Variants in RCAN1 observed in about 807,000 individuals in gnomAD.
The protein encoded by RCAN1 is calcipressin-1.
Under a neutral mutation model 22.9 loss-of-function variants are expected in RCAN1, and 11 were observed. The observed-to-expected ratio is 0.48, with a 90% CI of 0.30 to 0.79. The LOEUF (loss-of-function observed/expected upper bound fraction) is 0.79, where lower values mean the gene tolerates loss of function less well. Ranked by LOEUF, RCAN1 falls within the 30% of genes least tolerant of loss-of-function variation. RCAN1 has a pLI of 0.06. For synonymous variants in RCAN1, 136 were observed against 142.3 expected, an observed-to-expected ratio of 0.96 and a Z score of 0.32; for missense variants, 291 against 337.8, an observed-to-expected ratio of 0.86 and a Z score of 1.09.
chr21:34,603,450 A>G (rs1988426034), intron 1 of RCAN1, among the ~76,000 whole-genome samples: 1 of 152,186 alleles, frequency 6.6e-6, no homozygotes. Context: ...TATTCGTTGG[A>G]GAATTAAGTG....
intron 1 of RCAN1, chr21:34,526,845 G>A (rs1309305686): frequency 1.3e-6 from 2 of 1,498,052 alleles, no homozygotes; most frequent in Non-Finnish European, 1.8e-6. Flanking sequence ...TTGAGCTGGT[G>A]CTTATAAAGC....
At position 34,614,935 on chromosome 21, in the gene RCAN1, G is replaced by A. The variant is rs775499256; in HGVS notation, c.77C>T (p.Pro26Leu). ...CGCGAAGGGCCGCAGCGTCACCCCG[G>A]GCCGCGCTCGCGCCTCGGCCGCCTC... ...AAEAAEARAR[P>L]GVTLRPFAPL... Residue 26 changes from proline to leucine, a missense_variant, in exon 1 of 4, where the codon CCC becomes CTC. Pro to Leu is a moderately conservative substitution (Grantham distance 98). Coordinates refer to ENST00000313806, the MANE Select transcript of RCAN1 (RefSeq NM_004414.7). The surrounding 1 kb of genome is among the most constrained non-coding windows in gnomAD (Gnocchi z 6.0). 4 of 1,294,686 alleles carry A rather than the reference G, an allele frequency of 3.1e-6. No homozygotes were observed. In the South Asian group the frequency reaches 5.3e-5, roughly 17 times the overall value. The allele number at this position is 1,294,686 out of a possible 1,614,324, so 80.2% of individuals were successfully genotyped here.
chr21:34,567,202 A>G (rs1987046851), intron 1 of RCAN1, among the ~76,000 whole-genome samples: 1 of 152,266 alleles, frequency 6.6e-6, no homozygotes, highest in South Asian at 2.1e-4. Flanking sequence ...TCCACTAAAA[A>G]GAAACCCCCG....
chr21:34,520,998 C>A (rs1984473818), intron 3 of RCAN1: 1 of 984,452 alleles, frequency 1.0e-6, no homozygotes, highest in Non-Finnish European at 1.2e-6. Context: ...GGTAGGGCAG[C>A]CCGACCGCGG....
In RCAN1 at chr21:34,614,395, T is replaced by C; in HGVS notation, c.252+365A>G. 1 of 996,174 alleles carries C rather than the reference T, an allele frequency of 1.0e-6. No homozygotes were observed. The highest frequency in any genetic ancestry group is 1.2e-6 in the Non-Finnish European group (1 of 837,136). The allele number at this position is 996,174 out of a possible 1,614,324, so 61.7% of individuals were successfully genotyped here. ...TGTTTCCTCCTCCCTAGGAATGAGG[T>C]GACCCCCTCCTCCAGCGAGTAAATG... On this transcript the variant is annotated intron_variant, in intron 1 of 3. Transcript: ENST00000313806. This position sits in a 1 kb window ranked among gnomAD's most constrained non-coding sequence, Gnocchi z 6.0.
intron 1 of RCAN1, chr21:34,525,307 C>T (rs1236066832): frequency 6.5e-7 from 1 of 1,536,586 alleles, no homozygotes; most frequent in Admixed American, 2.0e-5. Flanking sequence ...GCTCTCCTTG[C>T]ATTCCCCGGC....
intron 1 of RCAN1, among the ~76,000 whole-genome samples, chr21:34,601,775 G>A (rs1482066295): frequency 6.8e-5 from 10 of 146,374 alleles, no homozygotes; most frequent in African/African-American, 1.8e-4. Flanking sequence ...CCGAGATCGT[G>A]CCACTGCACT....
At chr21:34,555,702 C>A (rs1201590978) in intron 1 of RCAN1, among the ~76,000 whole-genome samples, 1 of 151,820 alleles carries the variant, frequency 6.6e-6, no homozygotes, top group Non-Finnish European at 1.5e-5. Context: ...ATAGGGAGTT[C>A]ATTAGAATAT....
chr21:34,573,453 G>C lies in RCAN1; in HGVS notation c.252+41307C>G, dbSNP rs75689840. Among the ~76,000 whole-genome samples the C allele has an allele frequency of 5.5e-3, 831 of 152,222 alleles. 6 individuals carry two copies. The highest frequency in any genetic ancestry group is 0.018 in the African/African-American group (760 of 41,524). On this transcript the variant is annotated intron_variant, in intron 1 of 3. Transcript: ENST00000313806. Reference sequence around the variant, plus strand: ...ATTTCAACCCTGCTCCTGCTCATAGGTTCCAATAATCGAACATTACAAAAC... The same window carrying C: ...ATTTCAACCCTGCTCCTGCTCATAGCTTCCAATAATCGAACATTACAAAAC...
chr21:34,540,905 A>G (rs1272432702), intron 1 of RCAN1, among the ~76,000 whole-genome samples: 2 of 152,140 alleles, frequency 1.3e-5, no homozygotes, highest in African/African-American at 4.8e-5. Flanking sequence ...GAACCGCTTG[A>G]ACCTGGGAGG....
intron 2 of RCAN1, 91 bp downstream of exon 2, chr21:34,523,446 G>T: frequency 8.0e-7 from 1 of 1,248,128 alleles, no homozygotes; most frequent in Non-Finnish European, 1.1e-6. Context: ...AGAGTTTCCG[G>T]TCAGCATATA....
chr21:34,554,805 T>C (rs9984847), intron 1 of RCAN1, among the ~76,000 whole-genome samples: 102,413 of 151,700 alleles, frequency 0.68, 35,633 homozygotes, highest in African/African-American at 0.84. Flanking sequence ...AGCATCACTA[T>C]CATGGTGGAA....
intron 1 of RCAN1, among the ~76,000 whole-genome samples, chr21:34,540,708 C>T (rs555785492): frequency 1.3e-5 from 2 of 152,114 alleles, no homozygotes; most frequent in African/African-American, 4.8e-5. Flanking sequence ...CACAGTGGGC[C>T]AGGCGTGGTG....
At chr21:34,573,005 AT>A (rs1386365498) in intron 1 of RCAN1, among the ~76,000 whole-genome samples, 2 of 152,304 alleles carry the variant, frequency 1.3e-5, no homozygotes, top group South Asian at 2.1e-4. Context: ...TCAACATGAG[AT>A]TTGGATGGGG....
intron 1 of RCAN1, among the ~76,000 whole-genome samples, chr21:34,549,949 C>G (rs971805035): frequency 6.6e-6 from 1 of 152,086 alleles, no homozygotes; most frequent in Non-Finnish European, 1.5e-5. Context: ...CACCTTGCTC[C>G]TTCCCCGAGA....
intron 1 of RCAN1, among the ~76,000 whole-genome samples, chr21:34,580,037 A>G (rs1372403111): frequency 6.6e-6 from 1 of 152,246 alleles, no homozygotes; most frequent in African/African-American, 2.4e-5. Flanking sequence ...GTCAGAGAAC[A>G]GAGGGGAAAG....
chr21:34,536,243 G>A (rs751799307), intron 1 of RCAN1, among the ~76,000 whole-genome samples: 20 of 152,350 alleles, frequency 1.3e-4, no homozygotes, highest in Non-Finnish European at 1.0e-4. Flanking sequence ...TTTATTTGGA[G>A]ATTACTGGGG....
chr21:34,527,152 C>T (rs1985116911), intron 1 of RCAN1, among the ~76,000 whole-genome samples: 1 of 152,172 alleles, frequency 6.6e-6, no homozygotes, highest in Non-Finnish European at 1.5e-5. Context: ...AGACAACACG[C>T]TCCTCGGCCG....
intron 1 of RCAN1, among the ~76,000 whole-genome samples, chr21:34,544,408 C>T (rs1986050874): frequency 6.6e-6 from 1 of 152,134 alleles, no homozygotes; most frequent in East Asian, 1.9e-4. Flanking sequence ...TCTGAATGTG[C>T]TTAGAAGCAG....
Sources: allele counts gnomAD v4.1 joint callset (sites outside exome capture counted in the v4.1 genomes callset), GRCh38; gene constraint gnomAD v4.1.1; non-coding constraint Gnocchi (gnomAD v3.1); transcripts MANE v1.5; gene names NCBI Gene and HGNC (gene_info 2026-07-23, HGNC 2026-07-21).